AFDN: variants seen among roughly 807,000 people sequenced by gnomAD.
AFDN encodes afadin.
AFDN carries 68 observed loss-of-function variants against 216.6 expected under a neutral mutation model. The ratio of observed to expected loss-of-function variants is 0.31; its 90% confidence interval spans 0.26 to 0.38. The LOEUF is 0.38. Ranked by LOEUF, AFDN falls within the 10% of genes least tolerant of loss-of-function variation. The probability of loss-of-function intolerance (pLI) is 1.00; values close to 1 mark genes in which losing one functional copy is unlikely to be tolerated. For missense variants in AFDN, 2,136 were observed against 2,342.0 expected (o/e 0.91, Z 1.82); for synonymous variants, 868 against 853.7 (o/e 1.02, Z -0.29).
At chr6:167,873,189 G>T (rs1349168014) in intron 4 of AFDN, among the ~76,000 whole-genome samples, 3 of 152,206 alleles carry the variant, frequency 2.0e-5, no homozygotes, top group Admixed American at 2.0e-4. Context: ...GCCAAAAAGG[G>T]TGAAGAACGT....
chr6:167,865,915 G>A (rs1259617076), intron 2 of AFDN, among the ~76,000 whole-genome samples: 1 of 151,676 alleles, frequency 6.6e-6, no homozygotes. Context: ...TCAGTAGTAT[G>A]TAAGTCAGGC....
At chr6:167,947,175 ATTT>A (rs75948172) in intron 27 of AFDN, among the ~76,000 whole-genome samples, 1,914 of 146,612 alleles carry the variant, frequency 0.013, 41 homozygotes, top group African/African-American at 0.043. Context: ...TATGTTTTAC[ATTT>A]TTTTTTTTTT....
chr6:167,935,086 C>G lies in AFDN; in HGVS notation c.3100-8043C>G, dbSNP rs185677270. Among the ~76,000 whole-genome samples, 6 of 152,236 alleles carry G rather than the reference C, an allele frequency of 3.9e-5. No homozygotes were observed. In the East Asian group the frequency reaches 9.6e-4, roughly 24 times the overall value. ...TTGCCATTCTCTCTTGTAGCTCGTTCTACAGGTGAATTTCAGATACAGCTT... is the reference window on the plus strand; with the variant it reads ...TTGCCATTCTCTCTTGTAGCTCGTTGTACAGGTGAATTTCAGATACAGCTT... On this transcript the variant is annotated intron_variant, in intron 23 of 33. Coordinates refer to ENST00000683244, the MANE Select transcript of AFDN (RefSeq NM_001386888.1).
intron 9 of AFDN, 24 bp downstream of exon 9, chr6:167,893,930 T>A (rs759596232): frequency 7.2e-6 from 11 of 1,532,698 alleles, no homozygotes; most frequent in South Asian, 5.9e-5. Flanking sequence ...TACTACTACT[T>A]TTATAACTAA....
At chr6:167,848,907 T>G (rs1437767065) in intron 1 of AFDN, among the ~76,000 whole-genome samples, 1 of 152,226 alleles carries the variant, frequency 6.6e-6, no homozygotes, top group African/African-American at 2.4e-5. Context: ...GATTACTGAT[T>G]GTTTAGTCTG....
chr6:167,833,405 G>T (rs1022183501), intron 1 of AFDN, among the ~76,000 whole-genome samples: 34 of 152,182 alleles, frequency 2.2e-4, no homozygotes, highest in African/African-American at 7.7e-4. Flanking sequence ...TGTTTGGGGG[G>T]TGTTTTATTG....
intron 30 of AFDN, among the ~76,000 whole-genome samples, chr6:167,954,108 A>G (rs1033514756): frequency 6.6e-6 from 1 of 152,234 alleles, no homozygotes; most frequent in Non-Finnish European, 1.5e-5. Flanking sequence ...ATGAATTGCG[A>G]TATTTGGAAA....
chr6:167,843,370 C>T (rs146201541), intron 1 of AFDN, among the ~76,000 whole-genome samples: 52 of 152,270 alleles, frequency 3.4e-4, no homozygotes, highest in Non-Finnish European at 5.4e-4. Flanking sequence ...TGACAGTATT[C>T]CTCACTGAAT....
chr6:167,871,148 C>A (rs577077498), intron 3 of AFDN, among the ~76,000 whole-genome samples: 1 of 119,126 alleles, frequency 8.4e-6, no homozygotes, highest in Non-Finnish European at 1.6e-5. Flanking sequence ...AAAAGGCTGT[C>A]GTTAATCACT....
intron 21 of AFDN, 75 bp from the exon 22 acceptor site, chr6:167,922,781 T>C (rs1791993621): frequency 6.4e-6 from 6 of 941,980 alleles, no homozygotes; most frequent in East Asian, 2.4e-5. Flanking sequence ...TATTAAGCAA[T>C]TGGTAATTAA....
At chr6:167,880,268 G>A in intron 5 of AFDN, 92 bp from the exon 6 acceptor site, 2 of 1,182,542 alleles carry the variant, frequency 1.7e-6, no homozygotes, top group Non-Finnish European at 2.4e-6. Flanking sequence ...CTAGAATGCA[G>A]GTACCTTTTT....
chr6:167,843,236 C>T (rs575376057), intron 1 of AFDN, among the ~76,000 whole-genome samples: 1 of 152,268 alleles, frequency 6.6e-6, no homozygotes, highest in Admixed American at 6.5e-5. Context: ...TTAATGTCCC[C>T]AATATTTCAT....
At chr6:167,872,427 GT>G in intron 4 of AFDN, 50 bp downstream of exon 4, 2 of 1,552,576 alleles carry the variant, frequency 1.3e-6, no homozygotes, top group Non-Finnish European at 8.7e-7. Flanking sequence ...CAAATCAGAT[GT>G]TTTTGTTGCA....
At chr6:167,924,351 A>G (rs1376703547) in intron 22 of AFDN, among the ~76,000 whole-genome samples, 1 of 152,172 alleles carries the variant, frequency 6.6e-6, no homozygotes, top group Non-Finnish European at 1.5e-5. Context: ...AACTTCAATG[A>G]GTAATTTTGC....
At chr6:167,949,262 T>C (rs1457304505) in intron 29 of AFDN, among the ~76,000 whole-genome samples, 2 of 152,194 alleles carry the variant, frequency 1.3e-5, no homozygotes, top group Non-Finnish European at 1.5e-5. Flanking sequence ...GACAAATACA[T>C]GCCCTGGATC....
chr6:167,872,459 G>A, intron 4 of AFDN, 82 bp downstream of exon 4: 3 of 1,419,026 alleles, frequency 2.1e-6, no homozygotes, highest in Non-Finnish European at 2.9e-6. Flanking sequence ...TAAATTTTCA[G>A]ATAAATTATG....
At chr6:167,914,441 C>A in intron 17 of AFDN, 128 bp downstream of exon 17, 2 of 1,235,288 alleles carry the variant, frequency 1.6e-6, no homozygotes, top group South Asian at 3.1e-5. Context: ...AAGAAGCATA[C>A]ATTTTTGCAA....
In AFDN at chr6:167,907,226, G is replaced by A. The variant is rs1257949634; in HGVS notation, c.1706G>A (p.Arg569Gln). The change falls in exon 13 of 34, where the codon CGG becomes CAG. Residue 569 changes from arginine to glutamine, a missense_variant. Arg to Gln is a conservative substitution (Grantham distance 43). This residue lies in a region of AFDN where 817 missense variants were observed against 965.7 expected (regional missense o/e 0.85). Coordinates refer to ENST00000683244, the MANE Select transcript of AFDN (RefSeq NM_001386888.1). Reference protein sequence around the residue: ...RVSSASSTAERGMVKPMIRVE... With the variant: ...RVSSASSTAEQGMVKPMIRVE... ...TCGTCTGCCTCTAGCACAGCCGAGC[G>A]GGGAATGGTGAAGCCGATGATCAGA... is the stretch of plus-strand genomic sequence containing the variant. 9.3e-6 allele frequency: 15 copies of A among 1,614,176 alleles called. No homozygotes were observed. The highest frequency in any genetic ancestry group is 2.2e-5 in the South Asian group (2 of 91,082).
chr6:167,826,776 GGCA>G (rs1779091259), upstream of AFDN: 2 of 345,186 alleles, frequency 5.8e-6, no homozygotes, highest in Non-Finnish European at 1.1e-5. Flanking sequence ...TGGCGGCCGC[GGCA>G]GCAGCACCTA....
Sources: gnomAD v4.1 joint callset for allele counts (sites outside exome capture counted in the v4.1 genomes callset) on GRCh38, gnomAD v4.1.1 for gene constraint, gnomAD v4.1.1 regional missense constraint, MANE v1.5 for transcripts, NCBI Gene and HGNC (gene_info 2026-07-23, HGNC 2026-07-21) for gene names.